MTUS1: variants seen among roughly 807,000 people sequenced by gnomAD.
MTUS1 encodes microtubule associated scaffold protein 1.
A neutral mutation model predicts 120.8 loss-of-function variants in MTUS1; 109 were observed. The ratio of observed to expected loss-of-function variants is 0.90; its 90% CI spans 0.77 to 1.06. MTUS1 has a LOEUF of 1.06. Ranked by LOEUF, MTUS1 falls within the 50% of genes least tolerant of loss-of-function variation. MTUS1 has a pLI of 0.00. For missense variants in MTUS1, 2,210 were observed against 1,486.3 expected, an observed-to-expected ratio of 1.49 and a Z score of -8.01; for synonymous variants, 737 against 550.5, an observed-to-expected ratio of 1.34 and a Z score of -4.74.
intron 7 of MTUS1, among the ~76,000 whole-genome samples, chr8:17,682,047 T>C (rs1370747778): frequency 6.6e-6 from 1 of 152,200 alleles, no homozygotes; most frequent in Non-Finnish European, 1.5e-5. Flanking sequence ...ACATTTCGAA[T>C]GCTCAGTCTC....
At chr8:17,786,288 G>A (rs565573627) in intron 1 of MTUS1, among the ~76,000 whole-genome samples, 8 of 152,258 alleles carry the variant, frequency 5.3e-5, no homozygotes, top group African/African-American at 1.7e-4. Context: ...AGTTACTTCC[G>A]TAGAGACCAG....
chr8:17,683,205 G>C (rs1043076884), intron 7 of MTUS1, among the ~76,000 whole-genome samples: 1 of 152,170 alleles, frequency 6.6e-6, no homozygotes, highest in African/African-American at 2.4e-5. Flanking sequence ...CCGGGAGATA[G>C]AGCTTGTAGT....
intron 3 of MTUS1, among the ~76,000 whole-genome samples, chr8:17,724,448 T>C (rs1002817104): frequency 1.3e-5 from 2 of 152,052 alleles, no homozygotes; most frequent in Non-Finnish European, 2.9e-5. Context: ...ATTTGAAAAA[T>C]GCCTAATGTT....
intron 8 of MTUS1, among the ~76,000 whole-genome samples, chr8:17,666,194 A>G (rs1554468988): frequency 6.6e-6 from 1 of 151,072 alleles, no homozygotes; most frequent in Non-Finnish European, 1.5e-5. Context: ...GCACAGCTGA[A>G]TATCTGACAA....
At chr8:17,769,110 AAGG>A (rs1280118568) in intron 1 of MTUS1, among the ~76,000 whole-genome samples, 1 of 152,092 alleles carries the variant, frequency 6.6e-6, no homozygotes, top group Non-Finnish European at 1.5e-5. Context: ...CAGCACCCCG[AAGG>A]AGAAGCTCCC....
At chr8:17,669,560 T>C (rs557231243) in intron 8 of MTUS1, among the ~76,000 whole-genome samples, 1 of 152,228 alleles carries the variant, frequency 6.6e-6, no homozygotes, top group East Asian at 1.9e-4. Context: ...AAATGTCCAG[T>C]ACAGGCCAGG....
At chr8:17,771,821 GT>G (rs1207164957) in intron 1 of MTUS1, among the ~76,000 whole-genome samples, 2 of 152,232 alleles carry the variant, frequency 1.3e-5, no homozygotes, top group African/African-American at 4.8e-5. Flanking sequence ...CAGTGGCTGA[GT>G]TCATTTAACC....
chr8:17,758,862 G>C, intron 1 of MTUS1, among the ~76,000 whole-genome samples: 1 of 152,108 alleles, frequency 6.6e-6, no homozygotes, highest in East Asian at 1.9e-4. Flanking sequence ...TTGAATTAAG[G>C]GCTCATATGT....
At chr8:17,712,945 T>C (rs1453126759) in intron 6 of MTUS1, among the ~76,000 whole-genome samples, 1 of 152,204 alleles carries the variant, frequency 6.6e-6, no homozygotes, top group Non-Finnish European at 1.5e-5. Context: ...GGAAGTACAT[T>C]TTCCATTTCA....
At chr8:17,766,717 C>T (rs892522005) in intron 1 of MTUS1, among the ~76,000 whole-genome samples, 1 of 152,086 alleles carries the variant, frequency 6.6e-6, no homozygotes, top group African/African-American at 2.4e-5. Context: ...TCTTTTATAA[C>T]AGAGAATTGA....
chr8:17,678,180 T>C (rs1403129024), intron 7 of MTUS1, among the ~76,000 whole-genome samples: 1 of 152,212 alleles, frequency 6.6e-6, no homozygotes, highest in Non-Finnish European at 1.5e-5. Flanking sequence ...CCTTTACATG[T>C]ACTTACCCTT....
intron 6 of MTUS1, chr8:17,706,152 A>T (rs1333737253): frequency 6.6e-6 from 1 of 152,188 alleles, no homozygotes; most frequent in Non-Finnish European, 1.5e-5. Flanking sequence ...AAGCCCCTAG[A>T]ATTATAAAAA....
At chr8:17,769,564 G>A (rs1287506659) in intron 1 of MTUS1, among the ~76,000 whole-genome samples, 1 of 151,472 alleles carries the variant, frequency 6.6e-6, no homozygotes, top group Non-Finnish European at 1.5e-5. Flanking sequence ...AGCCAGGATG[G>A]TCTCGATCTC....
At chr8:17,696,803 G>T (rs530681668) in intron 6 of MTUS1, among the ~76,000 whole-genome samples, 3 of 152,266 alleles carry the variant, frequency 2.0e-5, no homozygotes, top group African/African-American at 7.2e-5. Context: ...TTAGTATACA[G>T]AAATCTTTTA....
intron 4 of MTUS1, among the ~76,000 whole-genome samples, chr8:17,719,029 A>T (rs1013933802): frequency 3.3e-5 from 5 of 151,994 alleles, no homozygotes. Context: ...TATTAGCTGG[A>T]CGTGGTGGTA....
intron 5 of MTUS1, among the ~76,000 whole-genome samples, chr8:17,714,894 C>CTTTTTTTTTT (rs34479493): frequency 5.4e-5 from 3 of 55,172 alleles, no homozygotes; most frequent in African/African-American, 1.5e-4. Context: ...ACAAATAATG[C>CTTTTTTTTTT]TTTTTTTTTT....
At chr8:17,649,217 C>T (rs952754364) in intron 13 of MTUS1, among the ~76,000 whole-genome samples, 5 of 152,034 alleles carry the variant, frequency 3.3e-5, no homozygotes, top group Admixed American at 6.5e-5. Flanking sequence ...CCACCACACC[C>T]GGCTAAGTTT....
intron 8 of MTUS1, among the ~76,000 whole-genome samples, chr8:17,673,734 T>A (rs1812495667): frequency 6.6e-6 from 1 of 152,116 alleles, no homozygotes; most frequent in Non-Finnish European, 1.5e-5. Context: ...GGATTACAGG[T>A]GTGAGCTACC....
chr8:17,656,427 G>A (rs560967182), intron 8 of MTUS1, among the ~76,000 whole-genome samples: 1 of 151,386 alleles, frequency 6.6e-6, no homozygotes, highest in Non-Finnish European at 1.5e-5. Flanking sequence ...ACTCGGGAGG[G>A]TGAGGCAGGA....
Sources: gnomAD v4.1 joint callset for allele counts (sites outside exome capture counted in the v4.1 genomes callset) on GRCh38, gnomAD v4.1.1 for gene constraint, MANE v1.5 for transcripts, NCBI Gene and HGNC (gene_info 2026-07-23, HGNC 2026-07-21) for gene names.